The following SLIT3 variants were observed in gnomAD, a reference collection of about 807,000 sequenced individuals.
SLIT3 encodes the protein slit homolog 3 protein.
Under a neutral mutation model 184.0 loss-of-function variants are expected in SLIT3, and 68 were observed. The ratio of observed to expected loss-of-function variants is 0.37; its 90% CI spans 0.30 to 0.45. The LOEUF (loss-of-function observed/expected upper bound fraction) is 0.45, where lower values mean the gene tolerates loss of function less well. Ranked by LOEUF, SLIT3 falls within the 20% of genes least tolerant of loss-of-function variation. SLIT3 has a pLI of 1.00. For missense variants in SLIT3, 1,707 were observed against 2,026.0 expected, an observed-to-expected ratio of 0.84 and a Z score of 3.02; for synonymous variants, 831 against 828.6, an observed-to-expected ratio of 1.00 and a Z score of -0.05.
intron 31 of SLIT3, 21 bp downstream of exon 31, chr5:168,685,666 G>T: frequency 1.3e-6 from 2 of 1,517,864 alleles, no homozygotes; most frequent in Non-Finnish European, 1.8e-6. Context: ...CCTTCCAAGG[G>T]CAGGGCAGGG....
chr5:169,036,104 GCAAAAATA>G (rs1379731467), intron 4 of SLIT3: 2 of 152,182 alleles, frequency 1.3e-5, no homozygotes, highest in African/African-American at 4.8e-5. Flanking sequence ...CATTTGAGTT[GCAAAAATA>G]AACCCATCTG....
intron 26 of SLIT3, chr5:168,707,764 C>A: frequency 1.8e-6 from 1 of 552,782 alleles, no homozygotes. Context: ...TTGTCAAGAC[C>A]ATATGGGGGC....
At chr5:169,195,409 G>A (rs972659320) in intron 3 of SLIT3, among the ~76,000 whole-genome samples, 2 of 152,214 alleles carry the variant, frequency 1.3e-5, no homozygotes, top group Admixed American at 6.5e-5. Flanking sequence ...TGCAGCGAGT[G>A]GGTAAGCACT....
chr5:168,965,222 T>C (rs1162148383), intron 4 of SLIT3, among the ~76,000 whole-genome samples: 1 of 152,214 alleles, frequency 6.6e-6, no homozygotes, highest in East Asian at 1.9e-4. Context: ...ATTATAAATA[T>C]CTATTGGAAG....
intron 4 of SLIT3, among the ~76,000 whole-genome samples, chr5:169,035,816 C>T (rs536190855): frequency 4.0e-4 from 61 of 152,232 alleles, no homozygotes; most frequent in African/African-American, 1.4e-3. Flanking sequence ...TGAGAGGCTC[C>T]TTGAAAGCAA....
rs141580016 is a variant in SLIT3, at chr5:169,054,105, A to T, written c.413+139374T>A. Among the ~76,000 whole-genome samples the T allele has an allele frequency of 1.0e-3, 158 of 152,176 alleles. 2 individuals carry two copies. Among genetic ancestry groups the T allele is most frequent in the African/African-American group, 3.7e-3 (154 of 41,500 alleles). On this transcript the variant is annotated intron_variant, in intron 4 of 35. Coordinates refer to ENST00000519560, the MANE Select transcript of SLIT3 (RefSeq NM_003062.4). ...GACTCTCTCTCAAGAAAAGAAAAAA[A>T]AATAGGGTCTATGCAGATGAAGTCA...
At chr5:168,683,493 GT>G (rs1457627710) in intron 32 of SLIT3, among the ~76,000 whole-genome samples, 3 of 152,170 alleles carry the variant, frequency 2.0e-5, no homozygotes, top group Non-Finnish European at 4.4e-5. Flanking sequence ...AGAGGCTGAA[GT>G]TTAGGAAAAG....
chr5:168,955,173 G>A (rs1762782269), intron 4 of SLIT3, among the ~76,000 whole-genome samples: 1 of 152,162 alleles, frequency 6.6e-6, no homozygotes, highest in Non-Finnish European at 1.5e-5. Flanking sequence ...TTCAACAAGA[G>A]CAATTTATAA....
intron 12 of SLIT3, among the ~76,000 whole-genome samples, chr5:168,783,724 A>G (rs1163357101): frequency 6.6e-6 from 1 of 152,278 alleles, no homozygotes; most frequent in East Asian, 1.9e-4. Flanking sequence ...CAGGCTGAAC[A>G]CTAAATTAGA....
At chr5:169,222,792 T>G (rs1003224991) in intron 3 of SLIT3, among the ~76,000 whole-genome samples, 1 of 152,222 alleles carries the variant, frequency 6.6e-6, no homozygotes, top group Non-Finnish European at 1.5e-5. Context: ...GCAGAGCCAT[T>G]ACATGAATGC....
intron 32 of SLIT3, among the ~76,000 whole-genome samples, chr5:168,682,029 A>C (rs938017689): frequency 6.6e-6 from 1 of 152,352 alleles, no homozygotes; most frequent in Admixed American, 6.5e-5. Context: ...CAAATGCTTC[A>C]CAGGCTGCCC....
At chr5:168,819,287 C>A (rs1189919085) in intron 7 of SLIT3, among the ~76,000 whole-genome samples, 1 of 152,232 alleles carries the variant, frequency 6.6e-6, no homozygotes, top group Non-Finnish European at 1.5e-5. Flanking sequence ...GCATTAACCA[C>A]TTTATGCCAA....
chr5:169,178,739 C>T (rs1216928335), intron 4 of SLIT3, among the ~76,000 whole-genome samples: 2 of 152,124 alleles, frequency 1.3e-5, no homozygotes, highest in African/African-American at 4.8e-5. Context: ...TCTTTCCATT[C>T]TATAATCCTT....
chr5:168,970,122 A>G (rs1754515145), intron 4 of SLIT3, among the ~76,000 whole-genome samples: 1 of 152,106 alleles, frequency 6.6e-6, no homozygotes, highest in Admixed American at 6.5e-5. Context: ...CGGAGTTTGC[A>G]GTGAGCTGAG....
At chr5:168,856,989 G>T (rs895646085) in intron 5 of SLIT3, among the ~76,000 whole-genome samples, 7 of 151,914 alleles carry the variant, frequency 4.6e-5, no homozygotes, top group African/African-American at 7.3e-5. Context: ...ATGGTGGGGG[G>T]GCCTGGTGAA....
chr5:168,673,084 C>G, intron 33 of SLIT3, 93 bp downstream of exon 33: 1 of 1,257,852 alleles, frequency 8.0e-7, no homozygotes, highest in Non-Finnish European at 1.1e-6. Flanking sequence ...TCCAGGAAGC[C>G]TTCCCTGATT....
At chr5:168,682,482 A>G (rs1761620855) in intron 32 of SLIT3, among the ~76,000 whole-genome samples, 2 of 152,140 alleles carry the variant, frequency 1.3e-5, no homozygotes. Flanking sequence ...TCTGGGGTAG[A>G]GTCTGAAAAT....
At chr5:168,825,750 C>T (rs1161354867) in intron 6 of SLIT3, among the ~76,000 whole-genome samples, 1 of 152,216 alleles carries the variant, frequency 6.6e-6, no homozygotes, top group Admixed American at 6.5e-5. Flanking sequence ...TCAAACAACA[C>T]TGAAGAATTT....
chr5:169,206,186 C>T (rs928095639), intron 3 of SLIT3, among the ~76,000 whole-genome samples: 7 of 152,208 alleles, frequency 4.6e-5, no homozygotes, highest in Non-Finnish European at 7.3e-5. Context: ...TGCAAAAGCA[C>T]GCTCCATCAA....
Sources: allele counts gnomAD v4.1 joint callset (sites outside exome capture counted in the v4.1 genomes callset), GRCh38; gene constraint gnomAD v4.1.1; transcripts MANE v1.5; gene names NCBI Gene and HGNC (gene_info 2026-07-23, HGNC 2026-07-21).